Variants in PPDPFL observed in about 807,000 individuals in gnomAD.
The protein encoded by PPDPFL is pancreatic progenitor cell differentiation and proliferation factor like, also known as pancreatic progenitor cell differentiation and proliferation factor-like protein.
Under a neutral mutation model 12.6 loss-of-function variants are expected in PPDPFL, and 12 were observed. That is an observed-to-expected ratio of 0.95 (90% CI 0.61 to 1.54). The LOEUF is 1.54. Among genes scored for constraint, PPDPFL ranks in the 40% most tolerant of loss-of-function variants. PPDPFL has a pLI of 0.00. For missense variants in PPDPFL, 114 were observed against 96.0 expected, an observed-to-expected ratio of 1.19 and a Z score of -0.78; for synonymous variants, 24 against 32.7, an observed-to-expected ratio of 0.73 and a Z score of 0.91.
rs111441289 is a variant in PPDPFL, at chr8:49,072,932, G to A, written c.55+47G>A. The stretch of plus-strand genomic sequence containing the variant: ...ACGTCCCTAGATAATATGATTTGAG[G>A]TGATGTTTGTGGGATATTGTTAACA... On this transcript the variant is annotated intron_variant, in intron 2 of 4. Transcript: ENST00000522267. 5.7e-4 allele frequency: 848 copies of A among 1,480,018 alleles called. 3 individuals are homozygous for A. In the African/African-American group the frequency reaches 9.9e-3, roughly 17 times the overall value. The allele number at this position is 1,480,018 out of a possible 1,614,324, so 91.7% of individuals were successfully genotyped here.
In PPDPFL at chr8:49,074,278, T is replaced by C; in HGVS notation, c.178T>C (p.Phe60Leu). 6.2e-7 allele frequency: 1 copy of C among 1,614,056 alleles called. No individual in the cohort carries two copies. The highest frequency in any genetic ancestry group is 8.5e-7 in the Non-Finnish European group (1 of 1,179,896). The change falls in exon 4 of 5, where the codon TTC (phenylalanine) becomes CTC (leucine). Residue 60 changes from phenylalanine to leucine, a missense_variant. Transcript: ENST00000522267. The stretch of plus-strand genomic sequence containing the variant: ...ATCCACCTGGTGGTTTAAATCGTTT[T>C]TCCATTCTGAACCTGTGCTTTCAAA... ...AESTWWFKSF[F>L]HSEPVLSNVR...
intron 2 of PPDPFL, 25 bp from the exon 3 acceptor site, chr8:49,074,030 ATTTG>A: frequency 6.7e-7 from 1 of 1,491,408 alleles, no homozygotes; most frequent in Non-Finnish European, 9.3e-7. Flanking sequence ...CCAGTTATTT[ATTTG>A]TTTAATATCA....
In PPDPFL at chr8:49,075,876, C is replaced by T. The variant is rs933398066; in HGVS notation, c.*703C>T. On this transcript the variant is annotated 3_prime_UTR_variant, in exon 5 of 5. Coordinates refer to ENST00000522267, the MANE Select transcript of PPDPFL (RefSeq NM_001256597.2). ...TGGCATTAAAAATTAGCATAATACA[C>T]CATATATGGTACAATCGTAGTTGTA... 1.2e-4 allele frequency: 18 copies of T among 152,754 alleles called. No homozygotes were observed. Among genetic ancestry groups the T allele is most frequent in the African/African-American group, 3.9e-4 (16 of 41,350 alleles). 9.5% of individuals were successfully genotyped at this position (152,754 alleles called of 1,614,324 possible). A position where few individuals can be genotyped will look rare whatever the true frequency, so the allele number is the denominator to read the frequency against.
At position 49,075,318 on chromosome 8, in the gene PPDPFL, T is replaced by A. The variant is rs897014440; in HGVS notation, c.*145T>A. On this transcript the variant is annotated 3_prime_UTR_variant, in exon 5 of 5. Coordinates refer to ENST00000522267, the MANE Select transcript of PPDPFL (RefSeq NM_001256597.2). ...AACAGCTCCCCTTCAGCGCCCCAGC[T>A]ATTCCAGGACTCTTCTCCATTGTAA... 5 of 1,527,932 alleles carry A rather than the reference T, an allele frequency of 3.3e-6. No individual in the cohort carries two copies. The Admixed American group carries it at 8.4e-5, about 26-fold the overall frequency. The allele number at this position is 1,527,932 out of a possible 1,614,324, so 94.6% of individuals were successfully genotyped here. A position where few individuals can be genotyped will look rare whatever the true frequency, so the allele number is the denominator to read the frequency against.
At chr8:49,062,818 A>G (rs1808234651) in intron 1 of PPDPFL, among the ~76,000 whole-genome samples, 1 of 152,172 alleles carries the variant, frequency 6.6e-6, no homozygotes, top group South Asian at 2.1e-4. Context: ...AAATACAGCC[A>G]AGGATTTTGA....
At chr8:49,063,944 CA>C (rs1264764259) in intron 1 of PPDPFL, among the ~76,000 whole-genome samples, 2 of 152,114 alleles carry the variant, frequency 1.3e-5, no homozygotes, top group Non-Finnish European at 2.9e-5. Context: ...GTGACATGTA[CA>C]AAATGCTACC....
rs1808490018 is a variant in PPDPFL, at chr8:49,075,814, C to A, written c.*641C>A. The A allele has an allele frequency of 6.5e-6, 1 of 153,114 alleles. No individual in the cohort carries two copies. Among genetic ancestry groups the A allele is most frequent in the Non-Finnish European group, 1.5e-5 (1 of 68,752 alleles). The allele number at this position is 153,114 out of a possible 1,614,324, so 9.5% of individuals were successfully genotyped here. A position where few individuals can be genotyped will look rare whatever the true frequency, so the allele number is the denominator to read the frequency against. ...ATTGTATAGACTTTAAAATTTATGACTTTAAATAATATTTAATAACATGGA... is the reference window on the plus strand; with the variant it reads ...ATTGTATAGACTTTAAAATTTATGAATTTAAATAATATTTAATAACATGGA... On this transcript the variant is annotated 3_prime_UTR_variant, in exon 5 of 5. Coordinates refer to ENST00000522267, the MANE Select transcript of PPDPFL (RefSeq NM_001256597.2).
Position 49,074,235 on chromosome 8 carries a change from G to A in PPDPFL, c.135G>A (p.Gly45=). 6.2e-7 allele frequency: 1 copy of A among 1,613,418 alleles called. No individual in the cohort carries two copies. Among genetic ancestry groups the A allele is most frequent in the Non-Finnish European group, 8.5e-7 (1 of 1,179,458 alleles). ...NFIDDDKPQQ[G]LPEVAESTWW... is the part of the protein sequence containing the mutation. ...AGTAACATGAATTTTATTTAATAGG[G>A]TTGCCTGAAGTGGCAGAATCCACCT... is the stretch of plus-strand genomic sequence containing the variant. The change falls in exon 4 of 5, where the codon GGG becomes GGA. Residue 45 remains glycine, a splice_region_variant and synonymous_variant. Coordinates refer to ENST00000522267, the MANE Select transcript of PPDPFL (RefSeq NM_001256597.2).
intron 1 of PPDPFL, among the ~76,000 whole-genome samples, chr8:49,058,814 G>A (rs1300225305): frequency 6.6e-6 from 1 of 152,178 alleles, no homozygotes; most frequent in African/African-American, 2.4e-5. Context: ...ATGCTTGGCT[G>A]TCATTGTGCA....
At chr8:49,071,790 C>A (rs1286285553), upstream of PPDPFL, among the ~76,000 whole-genome samples, 1 of 152,148 alleles carries the variant, frequency 6.6e-6, no homozygotes, top group Non-Finnish European at 1.5e-5. Flanking sequence ...CCATGATTTC[C>A]ATTTCTCTTG....
chr8:49,066,562 G>A, intron 1 of PPDPFL, among the ~76,000 whole-genome samples: 1 of 152,138 alleles, frequency 6.6e-6, no homozygotes, highest in East Asian at 1.9e-4. Flanking sequence ...GAAAGCATAT[G>A]AGCCAGGGGT....
intron 4 of PPDPFL, 174 bp from the exon 5 acceptor site, chr8:49,074,978 A>G (rs1028685621): frequency 3.6e-6 from 5 of 1,372,832 alleles, no homozygotes; most frequent in Non-Finnish European, 4.8e-6. Flanking sequence ...ACAAATTTAG[A>G]ATCATTATTT....
Position 49,058,204 on chromosome 8 carries a change from C to G in PPDPFL, c.-45+3835C>G, listed in dbSNP as rs191259673. Among the ~76,000 whole-genome samples the G allele has an allele frequency of 1.6e-3, 237 of 152,316 alleles. 1 individual carries two copies. Among genetic ancestry groups the G allele is most frequent in the African/African-American group, 5.4e-3 (223 of 41,588 alleles). On this transcript the variant is annotated intron_variant, in intron 1 of 4. Transcript: ENST00000517663. ...CCTGTAACCTCTGATTCCCAACTTT[C>G]AGTCCTAATCTTGAGGTTACATTTC...
At chr8:49,071,735 T>A (rs964616883), upstream of PPDPFL, among the ~76,000 whole-genome samples, 3 of 152,204 alleles carry the variant, frequency 2.0e-5, no homozygotes, top group Non-Finnish European at 4.4e-5. Context: ...AGCTTTTGTA[T>A]CAGTAAATGA....
chr8:49,061,289 G>C (rs1808198459), intron 1 of PPDPFL, among the ~76,000 whole-genome samples: 2 of 152,258 alleles, frequency 1.3e-5, no homozygotes, highest in South Asian at 4.1e-4. Context: ...ATAAGAAGAG[G>C]GAATTTGGAC....
At chr8:49,072,074 C>T (rs1380616347), upstream of PPDPFL, among the ~76,000 whole-genome samples, 1 of 152,218 alleles carries the variant, frequency 6.6e-6, no homozygotes, top group African/African-American at 2.4e-5. Context: ...TTGTGTATCG[C>T]CTCCCTCTCT....
In PPDPFL at chr8:49,075,675, G is replaced by A. The variant is rs112167746; in HGVS notation, c.*502G>A. The A allele has an allele frequency of 1.5e-3, 275 of 182,244 alleles. 1 individual carries two copies. The highest frequency in any genetic ancestry group is 6.1e-3 in the African/African-American group (257 of 42,110). The allele number at this position is 182,244 out of a possible 1,614,324, so 11.3% of individuals were successfully genotyped here. On this transcript the variant is annotated 3_prime_UTR_variant, in exon 5 of 5. Coordinates refer to ENST00000522267, the MANE Select transcript of PPDPFL (RefSeq NM_001256597.2). ...TCAATGTTTCACATAATGGTTTAAA[G>A]GGCATTGAATTCGAAATTTTAGAAA...
At position 49,074,327 on chromosome 8, in the gene PPDPFL, C is replaced by T. The variant is rs1011174548; in HGVS notation, c.227C>T (p.Ala76Val). ...LSNVRIKDLS[A>V]TGLQMSTL ...AATGTGAGAATAAAAGATCTGTCTG[C>T]TACTGGGTGAGTTTTAGCCTTCTCT... The change falls in exon 4 of 5, where the codon GCT (alanine) becomes GTT (valine). Residue 76 changes from alanine (A) to valine (V), a missense_variant. Ala to Val is a moderately conservative substitution (Grantham distance 64). Coordinates refer to ENST00000522267, the MANE Select transcript of PPDPFL (RefSeq NM_001256597.2). The T allele has an allele frequency of 4.3e-6, 7 of 1,613,474 alleles. No homozygotes were observed. Among genetic ancestry groups the T allele is most frequent in the East Asian group, 4.5e-5 (2 of 44,888 alleles).
intron 1 of PPDPFL, among the ~76,000 whole-genome samples, chr8:49,054,817 A>G (rs779905698): frequency 6.6e-6 from 1 of 152,188 alleles, no homozygotes; most frequent in South Asian, 2.1e-4. Context: ...TTGAAACAGC[A>G]TTATCACTCA....
Sources: gnomAD v4.1 joint callset for allele counts (sites outside exome capture counted in the v4.1 genomes callset) on GRCh38, gnomAD v4.1.1 for gene constraint, MANE v1.5 for transcripts, NCBI Gene and HGNC (gene_info 2026-07-23, HGNC 2026-07-21) for gene names.